SLC35E1: variants seen among roughly 807,000 people sequenced by gnomAD.
SLC35E1 encodes solute carrier family 35 member E1, also known as solute carrier family 35, member E1.
Under a neutral mutation model 31.0 loss-of-function variants are expected in SLC35E1, and 12 were observed. That is an observed-to-expected ratio of 0.39 (90% CI 0.25 to 0.63). The LOEUF is 0.63. Ranked by LOEUF, SLC35E1 falls within the 20% of genes least tolerant of loss-of-function variation. SLC35E1 has a pLI of 0.52. For missense variants in SLC35E1, 429 were observed against 572.2 expected (o/e 0.75, Z 2.55); for synonymous variants, 257 against 264.1 (o/e 0.97, Z 0.26).
intron 4 of SLC35E1, among the ~76,000 whole-genome samples, chr19:16,561,975 G>A (rs2085908621): frequency 6.6e-6 from 1 of 151,996 alleles, no homozygotes; most frequent in Non-Finnish European, 1.5e-5. Flanking sequence ...ATGGCTTAAG[G>A]CCAGGAGTTC....
chr19:16,556,257 C>G (rs1162769699), intron 4 of SLC35E1, among the ~76,000 whole-genome samples: 1 of 151,666 alleles, frequency 6.6e-6, no homozygotes. Context: ...CGTGGTGGCT[C>G]ATGCCTGTAA....
At chr19:16,571,868 G>A (rs1170477924) in intron 1 of SLC35E1, 76 bp downstream of exon 1, 2 of 1,423,776 alleles carry the variant, frequency 1.4e-6, no homozygotes, top group African/African-American at 1.4e-5. Context: ...GCCCCGGGCG[G>A]CGCACTCCTA....
At chr19:16,558,933 C>A (rs1456937469) in intron 4 of SLC35E1, among the ~76,000 whole-genome samples, 1 of 151,832 alleles carries the variant, frequency 6.6e-6, no homozygotes, top group Non-Finnish European at 1.5e-5. Context: ...CCACGCCCAG[C>A]TAATTTTTGT....
At chr19:16,567,889 C>T in intron 3 of SLC35E1, 143 bp downstream of exon 3, 7 of 1,246,524 alleles carry the variant, frequency 5.6e-6, no homozygotes, top group Non-Finnish European at 7.6e-6. Flanking sequence ...AAATGACAAA[C>T]AGAAAATCAG....
chr19:16,553,505 A>T lies in SLC35E1; in HGVS notation c.*174T>A, dbSNP rs930549076. 3 of 491,550 alleles carry T rather than the reference A, an allele frequency of 6.1e-6. No homozygotes were observed. The highest frequency in any genetic ancestry group is 4.0e-5 in the Admixed American group (1 of 24,880). The allele number at this position is 491,550 out of a possible 1,614,324, so 30.4% of individuals were successfully genotyped here. A position where few individuals can be genotyped will look rare whatever the true frequency, so the allele number is the denominator to read the frequency against. On this transcript the variant is annotated 3_prime_UTR_variant, in exon 6 of 6. Transcript: ENST00000595753. ...CAGAGCTCACGGCCGTCTGCACTGCAGGCAACGCATCCTCCTGCGGCTCAC... is the reference window on the plus strand; with the variant it reads ...CAGAGCTCACGGCCGTCTGCACTGCTGGCAACGCATCCTCCTGCGGCTCAC...
rs1381595141 is a variant in SLC35E1 at position 16,568,169 on chromosome 19, C to T, written c.493G>A (p.Val165Ile). ...ATGATGGGGATGAGTGACAAGTATA[C>T]CTGCAGGAAGAGGTCATCAAGAAGG... ...IIMKEKQSTKVYLSLIPIISG... is the reference protein window; with the variant it reads ...IIMKEKQSTKIYLSLIPIISG... Residue 165 changes from valine to isoleucine, a missense_variant and splice_region_variant, in exon 3 of 6, where the codon GTA (valine) becomes ATA (isoleucine). Val to Ile is a conservative substitution (Grantham distance 29). Coordinates refer to ENST00000595753, the MANE Select transcript of SLC35E1 (RefSeq NM_024881.5). 1 of 1,607,996 alleles carries T rather than the reference C, an allele frequency of 6.2e-7. No homozygotes were observed. Among genetic ancestry groups the T allele is most frequent in the Non-Finnish European group, 8.5e-7 (1 of 1,177,492 alleles).
chr19:16,560,792 G>A (rs933184323), intron 4 of SLC35E1, among the ~76,000 whole-genome samples: 3 of 150,080 alleles, frequency 2.0e-5, no homozygotes, highest in Admixed American at 6.7e-5. Flanking sequence ...AACCTGGGAG[G>A]TGGAGGTTAG....
intron 4 of SLC35E1, among the ~76,000 whole-genome samples, chr19:16,559,738 G>C (rs1304982726): frequency 2.0e-5 from 3 of 152,114 alleles, no homozygotes; most frequent in Non-Finnish European, 4.4e-5. Context: ...TTTGCTCCTT[G>C]GAGCACGATG....
At chr19:16,557,599 A>C (rs1568271901) in intron 4 of SLC35E1, among the ~76,000 whole-genome samples, 1 of 151,954 alleles carries the variant, frequency 6.6e-6, no homozygotes, top group Non-Finnish European at 1.5e-5. Context: ...CCTCCTCCTA[A>C]ACCTGGCAAC....
chr19:16,568,248 C>G, intron 2 of SLC35E1, 79 bp from the exon 3 acceptor site: 1 of 1,474,972 alleles, frequency 6.8e-7, no homozygotes, highest in East Asian at 2.5e-5. Context: ...CAGGGAAGAG[C>G]CCCTCTCCTC....
At position 16,555,143 on chromosome 19, in the gene SLC35E1, G is replaced by A; in HGVS notation, c.1002+9C>T. The A allele has an allele frequency of 6.2e-7, 1 of 1,614,026 alleles. No homozygotes were observed. The highest frequency in any genetic ancestry group is 1.3e-5 in the African/African-American group (1 of 75,016). On this transcript the variant is annotated intron_variant, in intron 5 of 5. Transcript: ENST00000595753. The surrounding 1 kb of genome is among the most constrained non-coding windows in gnomAD (Gnocchi z 4.1). ...GCTTCCTTCCCTGCCCAGCCTCTCAGACTCTCACCTTGTTATAGAGGAAGA... is the reference window on the plus strand; with the variant it reads ...GCTTCCTTCCCTGCCCAGCCTCTCAAACTCTCACCTTGTTATAGAGGAAGA...
chr19:16,566,781 C>A, intron 3 of SLC35E1, 124 bp from the exon 4 acceptor site: 1 of 1,180,164 alleles, frequency 8.5e-7, no homozygotes, highest in Non-Finnish European at 1.2e-6. Context: ...GGACACCAAA[C>A]CTGCAAGTGC....
At chr19:16,562,505 C>T (rs1476103213) in intron 4 of SLC35E1, among the ~76,000 whole-genome samples, 4 of 152,224 alleles carry the variant, frequency 2.6e-5, no homozygotes, top group African/African-American at 9.6e-5. Flanking sequence ...AATCCATGCA[C>T]ATCCTCCCAT....
At position 16,554,197 on chromosome 19, in the gene SLC35E1, C is replaced by T. The variant is rs140151476; in HGVS notation, c.1003-288G>A. On this transcript the variant is annotated intron_variant, in intron 5 of 5. Transcript: ENST00000595753. The stretch of plus-strand genomic sequence containing the variant: ...ACAAGAATCACTTGAACCCAGGAGG[C>T]GGAGGTTGCAGTGAGCTGGGACCAT... Among the ~76,000 whole-genome samples, 436 of 140,672 alleles carry T rather than the reference C, an allele frequency of 3.1e-3. 3 individuals carry two copies. The highest frequency in any genetic ancestry group is 0.011 in the African/African-American group (408 of 37,672). 92.3% of individuals were successfully genotyped at this position (140,672 alleles called of 152,430 possible).
chr19:16,560,968 G>A (rs553667698), intron 4 of SLC35E1, among the ~76,000 whole-genome samples: 1 of 147,878 alleles, frequency 6.8e-6, no homozygotes, highest in Non-Finnish European at 1.5e-5. Context: ...TTGGGAGGTC[G>A]AGGCAGGCAG....
At chr19:16,561,709 G>A (rs1274663932) in intron 4 of SLC35E1, among the ~76,000 whole-genome samples, 1 of 152,158 alleles carries the variant, frequency 6.6e-6, no homozygotes. Context: ...TCCTCTTCCC[G>A]CCTGTTCTGG....
chr19:16,568,122 G>T lies in SLC35E1; in HGVS notation c.540C>A (p.Thr180=), dbSNP rs781130681. 16 of 1,613,660 alleles carry T rather than the reference G, an allele frequency of 9.9e-6. No individual in the cohort carries two copies. The East Asian group carries it at 3.3e-4, about 34-fold the overall frequency. ...ACATGTCAAAAGACAACTCGGTGAC[G>T]GTGGCCAGCAGGACACCGCTGATGA... ...IPIISGVLLA[T]VTELSFDMWG... The change falls in exon 3 of 6, where the codon ACC becomes ACA. Residue 180 remains threonine, a synonymous_variant. Coordinates refer to ENST00000595753, the MANE Select transcript of SLC35E1 (RefSeq NM_024881.5).
Position 16,555,226 on chromosome 19 carries a change from G to A in SLC35E1, c.928C>T (p.Leu310=). 6.2e-7 allele frequency: 1 copy of A among 1,614,212 alleles called. No individual in the cohort carries two copies. The highest frequency in any genetic ancestry group is 8.5e-7 in the Non-Finnish European group (1 of 1,180,030). Residue 310 remains leucine (L), a synonymous_variant, in exon 5 of 6, where the codon CTG becomes TTG. Transcript: ENST00000595753. This position sits in a 1 kb window ranked among gnomAD's most constrained non-coding sequence, Gnocchi z 4.1. ...IMVITVSLIM[L]RNPVTSTNVL... is the part of the protein sequence containing the mutation. ...TTGGTGCTGGTGACTGGGTTGCGCA[G>A]CATGATCAGGGACACCGTGATGACC...
At position 16,559,093 on chromosome 19, in the gene SLC35E1, T is replaced by A. The variant is rs180742275; in HGVS notation, c.757-3696A>T. On this transcript the variant is annotated intron_variant, in intron 4 of 5. Transcript: ENST00000595753. Reference sequence around the variant, plus strand: ...AATCCCGTGAGTTTTTAAGTTACTATCTTCCATTTAAAAATTTCTGGCCTC... The same window carrying A: ...AATCCCGTGAGTTTTTAAGTTACTAACTTCCATTTAAAAATTTCTGGCCTC... 3.3e-5 allele frequency among the ~76,000 whole-genome samples: 5 copies of A among 152,156 alleles called. No individual in the cohort carries two copies. The East Asian group carries it at 9.8e-4, about 30-fold the overall frequency.
Sources: allele counts gnomAD v4.1 joint callset (sites outside exome capture counted in the v4.1 genomes callset), GRCh38; gene constraint gnomAD v4.1.1; non-coding constraint Gnocchi (gnomAD v3.1); transcripts MANE v1.5; gene names NCBI Gene and HGNC (gene_info 2026-07-23, HGNC 2026-07-21).